Variants in ARK2N observed in about 807,000 individuals in gnomAD.
The protein encoded by ARK2N is arkadia (RNF111) N-terminal like PKA signaling regulator 2N.
the ARK2N span, among the ~76,000 whole-genome samples, chr18:46,180,561 T>C: frequency 2.0e-5 from 3 of 152,066 alleles, no homozygotes; most frequent in Non-Finnish European, 2.9e-5. Flanking sequence ...ACAAAATTAG[T>C]TGGGCATGGT....
chr18:46,261,914 G>A, the ARK2N span, among the ~76,000 whole-genome samples: 1 of 152,182 alleles, frequency 6.6e-6, no homozygotes, highest in African/African-American at 2.4e-5. Context: ...GAATCTGGTG[G>A]TGTAGGTAGC....
the ARK2N span, among the ~76,000 whole-genome samples, chr18:46,259,058 C>G: frequency 2.0e-5 from 3 of 152,246 alleles, no homozygotes; most frequent in Middle Eastern, 3.4e-3. Flanking sequence ...CTGTCCTCAT[C>G]CATCTCCTAA....
chr18:46,239,143 C>T, the ARK2N span, among the ~76,000 whole-genome samples: 1 of 152,148 alleles, frequency 6.6e-6, no homozygotes, highest in South Asian at 2.1e-4. Context: ...ATTCTACAAG[C>T]ATGAATATTG....
At chr18:46,240,186 A>C in the ARK2N span, 2 of 1,614,142 alleles carry the variant, frequency 1.2e-6, no homozygotes, top group Non-Finnish European at 1.7e-6. Flanking sequence ...ATGCAGAGGC[A>C]GGTTGGTCTT....
At chr18:46,221,801 T>A in the ARK2N span, among the ~76,000 whole-genome samples, 1 of 152,134 alleles carries the variant, frequency 6.6e-6, no homozygotes, top group South Asian at 2.1e-4. Context: ...CAAACCCACA[T>A]AGTGAATCCA....
At chr18:46,200,606 A>G in the ARK2N span, among the ~76,000 whole-genome samples, 1 of 152,142 alleles carries the variant, frequency 6.6e-6, no homozygotes, top group Non-Finnish European at 1.5e-5. Flanking sequence ...GCACCTGGCC[A>G]GGATGGGGTT....
At chr18:46,215,886 G>C in the ARK2N span, 26 of 1,609,526 alleles carry the variant, frequency 1.6e-5, no homozygotes, top group Non-Finnish European at 2.1e-5. Context: ...CTGAAATGAA[G>C]ATGGAGGAGG....
chr18:46,263,259 C>T, the ARK2N span: 5 of 729,232 alleles, frequency 6.9e-6, no homozygotes, highest in African/African-American at 3.5e-5. Context: ...AAATTCCCTC[C>T]TCTTCCCCCC....
At chr18:46,259,901 G>GTGTGTGTGTGTGTGTGTGTGTGTGAT in the ARK2N span, among the ~76,000 whole-genome samples, 1 of 140,928 alleles carries the variant, frequency 7.1e-6, no homozygotes, top group Non-Finnish European at 1.6e-5. Flanking sequence ...GTGTGTGTGC[G>GTGTGTGTGTGTGTGTGTGTGTGTGAT]ACAGAGATGG....
the ARK2N span, among the ~76,000 whole-genome samples, chr18:46,261,471 G>A: frequency 6.6e-6 from 1 of 152,132 alleles, no homozygotes; most frequent in African/African-American, 2.4e-5. Context: ...TGTTCCGTTG[G>A]CCTTCAGTCA....
the ARK2N span, among the ~76,000 whole-genome samples, chr18:46,193,195 G>A: frequency 2.4e-4 from 37 of 152,068 alleles, no homozygotes; most frequent in Non-Finnish European, 2.9e-5. Flanking sequence ...ATGTAAGAAT[G>A]TGGACTCTGG....
chr18:46,259,213 C>T, the ARK2N span, among the ~76,000 whole-genome samples: 1 of 151,736 alleles, frequency 6.6e-6, no homozygotes, highest in Non-Finnish European at 1.5e-5. Context: ...CAGATCAGAA[C>T]ACAGAAGTCA....
the ARK2N span, among the ~76,000 whole-genome samples, chr18:46,180,944 G>A: frequency 1.4e-3 from 210 of 152,130 alleles, 2 homozygotes; most frequent in Non-Finnish European, 2.3e-3. Flanking sequence ...GTATCTCTAA[G>A]CTTTAAAAGG....
chr18:46,231,566 CTTTTTTTT>C, the ARK2N span, among the ~76,000 whole-genome samples: 13 of 100,782 alleles, frequency 1.3e-4, no homozygotes, highest in Non-Finnish European at 2.4e-4. Context: ...AGGTTTGGGG[CTTTTTTTT>C]TTTTTTTTTT....
the ARK2N span, among the ~76,000 whole-genome samples, chr18:46,257,292 C>A: frequency 0.27 from 40,925 of 151,978 alleles, 6,476 homozygotes; most frequent in Middle Eastern, 0.4. Flanking sequence ...GGCCTTTGCA[C>A]TCAGTAATTC....
the ARK2N span, among the ~76,000 whole-genome samples, chr18:46,185,310 T>C: frequency 2.6e-5 from 4 of 152,228 alleles, no homozygotes; most frequent in Non-Finnish European, 5.9e-5. Flanking sequence ...TCAGTTGTCT[T>C]TCTCATAGTG....
At chr18:46,236,703 C>CA in the ARK2N span, among the ~76,000 whole-genome samples, 6 of 152,288 alleles carry the variant, frequency 3.9e-5, no homozygotes, top group African/African-American at 1.2e-4. Context: ...AAAGTCAAAA[C>CA]AGTCTCTTTG....
the ARK2N span, among the ~76,000 whole-genome samples, chr18:46,236,729 T>C: frequency 6.6e-6 from 1 of 152,228 alleles, no homozygotes; most frequent in East Asian, 1.9e-4. Flanking sequence ...ATGCAGTTGT[T>C]TTAGTAGCAT....
chr18:46,249,567 C>G, the ARK2N span, among the ~76,000 whole-genome samples: 1 of 152,202 alleles, frequency 6.6e-6, no homozygotes, highest in South Asian at 2.1e-4. Flanking sequence ...CTTCGCTTTT[C>G]TGCACCTGCC....
Sources: gnomAD v4.1 joint callset for allele counts (sites outside exome capture counted in the v4.1 genomes callset) on GRCh38, gnomAD v4.1.1 for gene constraint, MANE v1.5 for transcripts, NCBI Gene and HGNC (gene_info 2026-07-23, HGNC 2026-07-21) for gene names.